Variants in ZBBX observed in about 807,000 individuals in gnomAD.
ZBBX encodes zinc finger B-box domain containing.
Under a neutral mutation model 108.5 loss-of-function variants are expected in ZBBX, and 101 were observed. That is an observed-to-expected ratio of 0.93 (90% CI 0.79 to 1.10). ZBBX has a LOEUF of 1.10. Among genes scored for constraint, ZBBX ranks in the 50% least tolerant of loss-of-function variants. ZBBX has a pLI of 0.00. For missense variants in ZBBX, 1,009 were observed against 941.4 expected (o/e 1.07, Z -0.94); for synonymous variants, 356 against 323.4 (o/e 1.10, Z -1.08).
rs374545588 is a variant in ZBBX at position 167,242,616 on chromosome 3, G to T, written c.2282C>A (p.Thr761Asn). 1 of 1,612,188 alleles carries T rather than the reference G, an allele frequency of 6.2e-7. No individual in the cohort carries two copies. The highest frequency in any genetic ancestry group is 1.3e-5 in the African/African-American group (1 of 74,792). ...GCTGAAATCTGGGAACTCTTCTGAG[G>T]TTAAGCTGTAAAGCTTTTCTGAAGT... ...ADTSEKLYSL[T>N]SEEFPDFSSQ... The change falls in exon 21 of 22, where the codon ACC (threonine) becomes AAC (asparagine). Residue 761 changes from threonine to asparagine, a missense_variant. Thr to Asn is a moderately conservative substitution (Grantham distance 65). Transcript: ENST00000675490.
chr3:167,203,834 G>A, the ZBBX span, among the ~76,000 whole-genome samples: 1 of 152,108 alleles, frequency 6.6e-6, no homozygotes, highest in African/African-American at 2.4e-5. Flanking sequence ...AACTACTCTA[G>A]TTGATGCAAG....
chr3:167,225,389 C>T, the ZBBX span, among the ~76,000 whole-genome samples: 3 of 151,870 alleles, frequency 2.0e-5, no homozygotes, highest in African/African-American at 7.2e-5. Context: ...CAACTAGGTT[C>T]CTAAATTATA....
intron 20 of ZBBX, among the ~76,000 whole-genome samples, chr3:167,274,276 C>A (rs1229657424): frequency 6.6e-6 from 1 of 152,178 alleles, no homozygotes; most frequent in Non-Finnish European, 1.5e-5. Flanking sequence ...TGGCCCCAAT[C>A]TTCACTTCTC....
chr3:167,385,300 T>C (rs1747877108), upstream of ZBBX, among the ~76,000 whole-genome samples: 1 of 151,950 alleles, frequency 6.6e-6, no homozygotes, highest in Non-Finnish European at 1.5e-5. Context: ...AGTATTTGTG[T>C]ATCTAAGCAT....
chr3:167,218,243 C>T, the ZBBX span, among the ~76,000 whole-genome samples: 2,036 of 152,196 alleles, frequency 0.013, 22 homozygotes, highest in South Asian at 0.026. Flanking sequence ...TTCACATGAA[C>T]TCCCAAACAT....
chr3:167,333,817 C>T lies in ZBBX; in HGVS notation c.687+10G>A, dbSNP rs1399439834. On this transcript the variant is annotated intron_variant, in intron 10 of 21. Transcript: ENST00000675490. ...GTCAGAAAATGTCTACTATATTTTCCTCAGTTTACCTCAGAGCTGCTCCTC... is the reference window on the plus strand; with the variant it reads ...GTCAGAAAATGTCTACTATATTTTCTTCAGTTTACCTCAGAGCTGCTCCTC... The T allele has an allele frequency of 6.3e-7, 1 of 1,581,314 alleles. No homozygotes were observed. The highest frequency in any genetic ancestry group is 1.9e-5 in the Admixed American group (1 of 52,280).
chr3:167,381,483 C>T (rs964271864), upstream of ZBBX: 7 of 152,132 alleles, frequency 4.6e-5, no homozygotes, highest in African/African-American at 1.7e-4. Context: ...GCTTAATAAA[C>T]AGTAAGAAAC....
the ZBBX span, among the ~76,000 whole-genome samples, chr3:167,205,628 T>G: frequency 6.6e-6 from 1 of 152,180 alleles, no homozygotes; most frequent in Non-Finnish European, 1.5e-5. Context: ...TTTTACTCTT[T>G]CAGCCCTCAC....
intron 16 of ZBBX, 148 bp from the exon 17 acceptor site, chr3:167,306,098 AT>A (rs1419256581): frequency 3.1e-4 from 184 of 588,222 alleles, no homozygotes; most frequent in Non-Finnish European, 4.3e-4. Context: ...GTGTTAAAAT[AT>A]TTTTACTATG....
the ZBBX span, among the ~76,000 whole-genome samples, chr3:167,179,366 G>A: frequency 0.21 from 32,404 of 152,228 alleles, 3,756 homozygotes; most frequent in Non-Finnish European, 0.27. Context: ...AGAGGCATTA[G>A]CATGGGCTAA....
At chr3:167,376,095 C>T (rs1746916563) in intron 2 of ZBBX, among the ~76,000 whole-genome samples, 1 of 152,130 alleles carries the variant, frequency 6.6e-6, no homozygotes. Context: ...CTCACTCAGA[C>T]TCAATTTTCA....
chr3:167,280,835 C>G (rs888214406), intron 20 of ZBBX, among the ~76,000 whole-genome samples: 2 of 152,046 alleles, frequency 1.3e-5, no homozygotes, highest in Admixed American at 1.3e-4. Context: ...TTCACAATAG[C>G]AAAGACTTGG....
At chr3:167,277,861 T>C (rs1313469969) in intron 20 of ZBBX, among the ~76,000 whole-genome samples, 1 of 152,024 alleles carries the variant, frequency 6.6e-6, no homozygotes, top group Admixed American at 6.6e-5. Context: ...AAAGCTCTCC[T>C]CAGCAAATGT....
rs766405128 is a variant in ZBBX at position 167,372,854 on chromosome 3, A to G, written c.48T>C (p.Asn16=). 6.3e-7 allele frequency: 1 copy of G among 1,588,362 alleles called. No individual in the cohort carries two copies. Among genetic ancestry groups the G allele is most frequent in the Non-Finnish European group, 8.6e-7 (1 of 1,161,496 alleles). ...CTCACCTATATTTTAGCTTTACAGA[A>G]TTTCCAGGTTTTCCCCATGGAAGAA... ...FVVLPWGKPG[N]SVKLKYRNAQ... Residue 16 remains asparagine, a synonymous_variant, in exon 4 of 22, where the codon AAT becomes AAC. Coordinates refer to ENST00000675490, the MANE Select transcript of ZBBX (RefSeq NM_001199201.2).
the ZBBX span, among the ~76,000 whole-genome samples, chr3:167,181,247 G>A: frequency 1.3e-5 from 2 of 152,032 alleles, no homozygotes; most frequent in Non-Finnish European, 2.9e-5. Context: ...TCAATCATAT[G>A]TTGACTTTGA....
chr3:167,199,639 C>T, the ZBBX span, among the ~76,000 whole-genome samples: 2 of 152,098 alleles, frequency 1.3e-5, no homozygotes, highest in Admixed American at 1.3e-4. Flanking sequence ...GTAGGATTCT[C>T]TCAAAAAGCT....
At chr3:167,319,961 T>C (rs1736137612) in intron 12 of ZBBX, among the ~76,000 whole-genome samples, 1 of 151,750 alleles carries the variant, frequency 6.6e-6, no homozygotes, top group Admixed American at 6.6e-5. Flanking sequence ...GATATCCAGA[T>C]GGATAGATAC....
chr3:167,328,902 C>G lies in ZBBX; in HGVS notation c.688-786G>C, dbSNP rs931999839. Among the ~76,000 whole-genome samples, 16 of 152,304 alleles carry G rather than the reference C, an allele frequency of 1.1e-4. No homozygotes were observed. In the East Asian group the frequency reaches 2.7e-3, roughly 26 times the overall value. ...ATTCCTTAACTGTTTTATTCTTCCT[C>G]CCATTACTTACTCCCATGTGACTTT... On this transcript the variant is annotated intron_variant, in intron 10 of 21. Coordinates refer to ENST00000675490, the MANE Select transcript of ZBBX (RefSeq NM_001199201.2).
intron 2 of ZBBX, among the ~76,000 whole-genome samples, chr3:167,378,637 G>A (rs796361556): frequency 6.6e-6 from 1 of 152,202 alleles, no homozygotes; most frequent in Non-Finnish European, 1.5e-5. Context: ...ACGGTTCAGG[G>A]AAAGGGGCAG....
Sources: allele counts gnomAD v4.1 joint callset (sites outside exome capture counted in the v4.1 genomes callset), GRCh38; gene constraint gnomAD v4.1.1; transcripts MANE v1.5; gene names NCBI Gene and HGNC (gene_info 2026-07-23, HGNC 2026-07-21).